Variants in DPP8 observed in about 807,000 individuals in gnomAD.
The protein encoded by DPP8 is DPP VIII.
Under a neutral mutation model 107.5 loss-of-function variants are expected in DPP8, and 31 were observed. The ratio of observed to expected loss-of-function variants is 0.29; its 90% CI spans 0.22 to 0.39. The LOEUF is 0.39. Ranked by LOEUF, DPP8 falls within the 10% of genes least tolerant of loss-of-function variation. DPP8 has a pLI of 1.00. For missense variants in DPP8, 842 were observed against 1,076.1 expected, an observed-to-expected ratio of 0.78 and a Z score of 3.04; for synonymous variants, 381 against 356.6, an observed-to-expected ratio of 1.07 and a Z score of -0.77.
In DPP8 at chr15:65,478,888, G is replaced by A; in HGVS notation, c.1448C>T (p.Pro483Leu). 1.3e-6 allele frequency: 2 copies of A among 1,559,552 alleles called. No individual in the cohort carries two copies. The highest frequency in any genetic ancestry group is 1.7e-6 in the Non-Finnish European group (2 of 1,160,662). Residue 483 changes from proline (P) to leucine (L), a missense_variant, in exon 11 of 20, where the codon CCT (proline) becomes CTT (leucine). Coordinates refer to ENST00000300141, the MANE Select transcript of DPP8 (RefSeq NM_130434.5). ...SKYKRSSGGL[P>L]APSDFKCPIK... is the part of the protein sequence containing the mutation. ...TAAAATGGATTTCTTACTTGGAGCAGGCAGCCCACCACTGGATCGTTTATA... is the reference window on the plus strand; with the variant it reads ...TAAAATGGATTTCTTACTTGGAGCAAGCAGCCCACCACTGGATCGTTTATA...
intron 19 of DPP8, among the ~76,000 whole-genome samples, chr15:65,448,890 A>G (rs377725211): frequency 0.26 from 17,112 of 64,694 alleles, 3,598 homozygotes; most frequent in East Asian, 0.66. Context: ...ATATATATAT[A>G]TATATATATA....
In DPP8 at chr15:65,443,119, G is replaced by T. The variant is rs944013529; in HGVS notation, c.*3765C>A. The T allele has an allele frequency of 6.6e-6, 1 of 152,114 alleles. No homozygotes were observed. Among genetic ancestry groups the T allele is most frequent in the Non-Finnish European group, 1.5e-5 (1 of 68,032 alleles). The allele number at this position is 152,114 out of a possible 1,614,324, so 9.4% of individuals were successfully genotyped here. A position where few individuals can be genotyped will look rare whatever the true frequency, so the allele number is the denominator to read the frequency against. On this transcript the variant is annotated 3_prime_UTR_variant, in exon 20 of 20. Coordinates refer to ENST00000300141, the MANE Select transcript of DPP8 (RefSeq NM_130434.5). Reference sequence around the variant, plus strand: ...ATAAACATGCTTAGCATTTACTTTGGAATGGAAAAATTAACCATTTTTATG... The same window carrying T: ...ATAAACATGCTTAGCATTTACTTTGTAATGGAAAAATTAACCATTTTTATG...
At chr15:65,495,518 C>G (rs2068493654) in intron 5 of DPP8, among the ~76,000 whole-genome samples, 2 of 152,000 alleles carry the variant, frequency 1.3e-5, no homozygotes, top group African/African-American at 4.8e-5. Context: ...GGATGAGAAT[C>G]ACTTGAACGC....
intron 12 of DPP8, 89 bp downstream of exon 12, chr15:65,474,120 G>A (rs928990593): frequency 2.6e-5 from 26 of 986,346 alleles, no homozygotes; most frequent in Middle Eastern, 4.2e-4. Flanking sequence ...AAAAAATACC[G>A]GGGTCATATT....
chr15:65,515,062 T>C (rs1026251565), intron 1 of DPP8, among the ~76,000 whole-genome samples: 2 of 152,176 alleles, frequency 1.3e-5, no homozygotes, highest in Middle Eastern at 3.2e-3. Flanking sequence ...TGGTACAGCC[T>C]TGAACTCCTG....
At chr15:65,517,082 G>A (rs1303336194) in intron 1 of DPP8, 3 of 152,686 alleles carry the variant, frequency 2.0e-5, no homozygotes, top group African/African-American at 7.2e-5. Context: ...TGAGGCCGAA[G>A]CCCATCTGCC....
intron 3 of DPP8, among the ~76,000 whole-genome samples, chr15:65,506,739 T>C (rs892633402): frequency 6.7e-5 from 10 of 149,018 alleles, no homozygotes; most frequent in Non-Finnish European, 1.2e-4. Context: ...TTAAAAACTA[T>C]TATATATATA....
In DPP8 at chr15:65,466,580, G is replaced by A. The variant is rs117085177; in HGVS notation, c.1825+98C>T. On this transcript the variant is annotated intron_variant, in intron 14 of 19. Transcript: ENST00000300141. ...TCAGGGACAGGCAGTGGTGAGAGAT[G>A]GAAAGACTTGTCCAGGAAATGTGAA... is the stretch of plus-strand genomic sequence containing the variant. The A allele has an allele frequency of 1.4e-3, 1,631 of 1,132,124 alleles. 3 individuals carry two copies. Among genetic ancestry groups the A allele is most frequent in the Non-Finnish European group, 1.8e-3 (1,403 of 764,262 alleles). The allele number at this position is 1,132,124 out of a possible 1,614,324, so 70.1% of individuals were successfully genotyped here. A position where few individuals can be genotyped will look rare whatever the true frequency, so the allele number is the denominator to read the frequency against.
intron 6 of DPP8, 150 bp from the exon 7 acceptor site, chr15:65,487,968 C>T (rs2067602518): frequency 3.3e-6 from 2 of 606,004 alleles, no homozygotes; most frequent in Admixed American, 6.6e-5. Context: ...TATCACTAGT[C>T]TTTGCAGTAG....
intron 6 of DPP8, among the ~76,000 whole-genome samples, chr15:65,488,890 T>C (rs566938562): frequency 8.5e-5 from 13 of 152,314 alleles, no homozygotes; most frequent in Middle Eastern, 3.4e-3. Flanking sequence ...ATTCATATAC[T>C]GATTTGGTCA....
At chr15:65,513,194 C>T (rs971139351) in intron 1 of DPP8, among the ~76,000 whole-genome samples, 3 of 151,878 alleles carry the variant, frequency 2.0e-5, no homozygotes, top group African/African-American at 7.2e-5. Context: ...ACATCACTAT[C>T]ATGATCATTT....
At chr15:65,464,915 A>G (rs2065212564) in intron 14 of DPP8, among the ~76,000 whole-genome samples, 1 of 152,108 alleles carries the variant, frequency 6.6e-6, no homozygotes, top group African/African-American at 2.4e-5. Context: ...ATTATTAGTC[A>G]ATTTAATTTT....
intron 10 of DPP8, 41 bp from the exon 11 acceptor site, chr15:65,479,080 A>T: frequency 7.4e-7 from 1 of 1,344,074 alleles, no homozygotes; most frequent in Non-Finnish European, 1.0e-6. Context: ...ATATTATGAA[A>T]ATACTACATA....
chr15:65,477,408 GAATT>G (rs1281318277), intron 11 of DPP8, among the ~76,000 whole-genome samples: 2 of 150,672 alleles, frequency 1.3e-5, no homozygotes, highest in African/African-American at 4.9e-5. Flanking sequence ...AAAAATAAAT[GAATT>G]AATTAATTTA....
chr15:65,489,252 C>T (rs1462336433), intron 6 of DPP8, among the ~76,000 whole-genome samples: 1 of 151,998 alleles, frequency 6.6e-6, no homozygotes, highest in Non-Finnish European at 1.5e-5. Flanking sequence ...AGTCACTGCG[C>T]CCAGCCAAGG....
Position 65,478,111 on chromosome 15 carries a change from T to C in DPP8, c.1456+769A>G, listed in dbSNP as rs74021110. 3.1e-3 allele frequency among the ~76,000 whole-genome samples: 466 copies of C among 152,248 alleles called. 1 individual carries two copies. The highest frequency in any genetic ancestry group is 0.011 in the African/African-American group (449 of 41,556). ...TTAAAGAAAAATTAACTTCAGCTGA[T>C]ATAACATTTAATTTTACTTTGGGCA... On this transcript the variant is annotated intron_variant, in intron 11 of 19. Coordinates refer to ENST00000300141, the MANE Select transcript of DPP8 (RefSeq NM_130434.5).
Position 65,487,789 on chromosome 15 carries a change from G to T in DPP8, c.856C>A (p.Leu286Ile). Residue 286 changes from leucine (L) to isoleucine (I), a missense_variant, in exon 7 of 20, where the codon CTA (leucine) becomes ATA (isoleucine). Leu to Ile is a conservative substitution (Grantham distance 5, BLOSUM62 2). Transcript: ENST00000300141. ...TPSGGKILRI[L>I]YEENDESEVE... ...TCAGATTCATCATTTTCTTCATATA[G>T]AATTCTAAGAATTTTACCACCACTG... The T allele has an allele frequency of 6.4e-7, 1 of 1,570,272 alleles. No individual in the cohort carries two copies.
intron 8 of DPP8, among the ~76,000 whole-genome samples, chr15:65,482,704 A>T (rs1484699708): frequency 6.6e-6 from 1 of 152,228 alleles, no homozygotes; most frequent in African/African-American, 2.4e-5. Flanking sequence ...ACAGTCCTCC[A>T]AAGAAAATAT....
At position 65,497,932 on chromosome 15, in the gene DPP8, T is replaced by C. The variant is rs368915224; in HGVS notation, c.647A>G (p.His216Arg). 3.1e-6 allele frequency: 5 copies of C among 1,605,588 alleles called. No individual in the cohort carries two copies. Among genetic ancestry groups the C allele is most frequent in the African/African-American group, 1.3e-5 (1 of 74,846 alleles). ...GTTAGATATCCAAATATCGTTGCTA[T>C]GTATAAAAGCAATCCAGTCTGGATC... is the stretch of plus-strand genomic sequence containing the variant. ...PADPDWIAFI[H>R]SNDIWISNIV... Residue 216 changes from histidine to arginine, a missense_variant, in exon 5 of 20, where the codon CAT becomes CGT. His to Arg is a conservative substitution (Grantham distance 29). This residue lies in a region of DPP8 where 663 missense variants were observed against 758.0 expected (regional missense o/e 0.87). Transcript: ENST00000300141.
Sources: allele counts gnomAD v4.1 joint callset (sites outside exome capture counted in the v4.1 genomes callset), GRCh38; gene constraint gnomAD v4.1.1; regional missense constraint gnomAD v4.1.1; transcripts MANE v1.5; gene names NCBI Gene and HGNC (gene_info 2026-07-23, HGNC 2026-07-21).